KCNAB2: variants seen among roughly 807,000 people sequenced by gnomAD.
KCNAB2 encodes the protein voltage-gated potassium channel subunit beta-2.
Under a neutral mutation model 63.6 loss-of-function variants are expected in KCNAB2, and 29 were observed. The ratio of observed to expected loss-of-function variants is 0.46; its 90% CI spans 0.34 to 0.62. The LOEUF (loss-of-function observed/expected upper bound fraction) is 0.62, where lower values mean the gene tolerates loss of function less well. Ranked by LOEUF, KCNAB2 falls within the 20% of genes least tolerant of loss-of-function variation. KCNAB2 has a pLI of 0.01. For missense variants in KCNAB2, 359 were observed against 563.9 expected (o/e 0.64, Z 3.68); for synonymous variants, 222 against 224.2 (o/e 0.99, Z 0.09).
chr1:6,004,958 G>T lies in KCNAB2; in HGVS notation c.-53+12170G>T, dbSNP rs529485139. The stretch of plus-strand genomic sequence containing the variant: ...GGTGAGGGTGGAGTGGGGGGATGTG[G>T]GAGCTGAGCTGAGGGATGAGGGTGC... On this transcript the variant is annotated intron_variant, in intron 1 of 16. Coordinates refer to the KCNAB2 transcript ENST00000341524. 3.1e-3 allele frequency among the ~76,000 whole-genome samples: 448 copies of T among 146,180 alleles called. 9 individuals are homozygous for T. Among genetic ancestry groups the T allele is most frequent in the Non-Finnish European group, 4.6e-3 (301 of 65,860 alleles).
chr1:6,041,783 T>C (rs752454890), upstream of KCNAB2: 1 of 1,557,338 alleles, frequency 6.4e-7, no homozygotes, highest in South Asian at 1.1e-5. Context: ...GGACTCTCTC[T>C]CTTCTCTCCC....
At chr1:6,040,161 C>T (rs1019964033) in intron 1 of KCNAB2, among the ~76,000 whole-genome samples, 2 of 152,342 alleles carry the variant, frequency 1.3e-5, no homozygotes, top group East Asian at 1.9e-4. Context: ...GCCCCCTGGG[C>T]GGTCTCTTCT....
At chr1:6,042,092 G>C (rs1197317483), upstream of KCNAB2, among the ~76,000 whole-genome samples, 1 of 152,154 alleles carries the variant, frequency 6.6e-6, no homozygotes, top group Non-Finnish European at 1.5e-5. Flanking sequence ...GTGTTGGTCT[G>C]CCAGAAGTTT....
intron 6 of KCNAB2, 90 bp downstream of exon 6, chr1:6,085,338 G>T (rs547260720): frequency 3.5e-6 from 4 of 1,136,600 alleles, no homozygotes; most frequent in Non-Finnish European, 2.7e-6. Context: ...GTGCAGTGTC[G>T]TAAGGCCCGC....
Position 6,069,481 on chromosome 1 carries a change from C to T in KCNAB2, c.219-3274C>T, listed in dbSNP as rs936968107. On this transcript the variant is annotated intron_variant, in intron 2 of 15. Transcript: ENST00000378083. The surrounding 1 kb of genome is among the most constrained non-coding windows in gnomAD (Gnocchi z 5.4). ...CAGAGGTTATGTCTGTGAGTCCTCA[C>T]TCCAGGAGTCCAGACCCCAGGAGAG... 6.6e-6 allele frequency among the ~76,000 whole-genome samples: 1 copy of T among 152,192 alleles called. No homozygotes were observed. Among genetic ancestry groups the T allele is most frequent in the African/African-American group, 2.4e-5 (1 of 41,446 alleles).
At chr1:6,033,708 A>G (rs140866380), upstream of KCNAB2, among the ~76,000 whole-genome samples, 1 of 152,322 alleles carries the variant, frequency 6.6e-6, no homozygotes, top group African/African-American at 2.4e-5. Context: ...GAGGGAGCCT[A>G]CCGACCTTCC....
intron 1 of KCNAB2, among the ~76,000 whole-genome samples, chr1:6,038,142 T>G (rs1419278503): frequency 2.0e-5 from 3 of 151,660 alleles, no homozygotes; most frequent in South Asian, 2.1e-4. Context: ...CTCCCAAAGT[T>G]CTGGGATTAC....
At chr1:6,046,412 G>A (rs1660928016) in intron 1 of KCNAB2, among the ~76,000 whole-genome samples, 1 of 152,336 alleles carries the variant, frequency 6.6e-6, no homozygotes, top group African/African-American at 2.4e-5. Flanking sequence ...TTTCAGCCGG[G>A]CAGCACCTCT....
intron 10 of KCNAB2, among the ~76,000 whole-genome samples, chr1:6,093,552 G>A (rs1461711061): frequency 1.3e-5 from 2 of 152,222 alleles, no homozygotes; most frequent in African/African-American, 2.4e-5. Context: ...TGAAGTCTCC[G>A]CGATTTCATC....
intron 1 of KCNAB2, among the ~76,000 whole-genome samples, chr1:6,017,500 A>G (rs1009071527): frequency 3.9e-5 from 6 of 152,072 alleles, no homozygotes; most frequent in Admixed American, 1.3e-4. Flanking sequence ...CCAGGGCTCA[A>G]GAGATTTACC....
chr1:5,992,714 G>C (rs986726545), upstream of KCNAB2: 1 of 152,322 alleles, frequency 6.6e-6, no homozygotes, highest in Non-Finnish European at 1.5e-5. Flanking sequence ...GGGATTCGGG[G>C]GCGCTAAAGT....
At chr1:6,057,482 G>A (rs898109966) in intron 2 of KCNAB2, among the ~76,000 whole-genome samples, 82 of 152,092 alleles carry the variant, frequency 5.4e-4, no homozygotes, top group African/African-American at 1.5e-3. Flanking sequence ...CAGAGACCAG[G>A]GGGGATGGCA....
chr1:6,022,267 T>G (rs186887375), intron 1 of KCNAB2, among the ~76,000 whole-genome samples: 10 of 152,072 alleles, frequency 6.6e-5, no homozygotes, highest in Non-Finnish European at 1.5e-5. Context: ...GAGTGTATAG[T>G]TCAGTGGTAT....
intron 3 of KCNAB2, 25 bp downstream of exon 3, chr1:6,072,823 C>T (rs1475500395): frequency 6.2e-7 from 1 of 1,611,294 alleles, no homozygotes; most frequent in Admixed American, 1.7e-5. Flanking sequence ...CCCCTCCGTC[C>T]CACCAGGGAA....
intron 2 of KCNAB2, among the ~76,000 whole-genome samples, chr1:6,067,796 G>A (rs1446659941): frequency 1.3e-5 from 2 of 152,206 alleles, no homozygotes; most frequent in African/African-American, 4.8e-5. Flanking sequence ...TTGGGAGACT[G>A]AGGAGGGTGG....
rs199732854 is a variant in KCNAB2, at chr1:6,063,030, ATT to A, written c.219-9710_219-9709del. ...TGTCTCTACGGATTCGCCTATTTGG[ATT>A]TTTTTTTTTTTTTTGAGACGGAATC... On this transcript the variant is annotated intron_variant, in intron 2 of 15. Transcript: ENST00000378083. Among the ~76,000 whole-genome samples the A allele has an allele frequency of 1.7e-3, 235 of 137,768 alleles. 1 individual carries two copies. Among genetic ancestry groups the A allele is most frequent in the African/African-American group, 5.8e-3 (218 of 37,292 alleles). The allele number at this position is 137,768 out of a possible 152,430, so 90.4% of individuals were successfully genotyped here. A position where few individuals can be genotyped will look rare whatever the true frequency, so the allele number is the denominator to read the frequency against.
Position 6,096,578 on chromosome 1 carries a change from G to A in KCNAB2, c.949-58G>A. The A allele has an allele frequency of 2.6e-6, 4 of 1,562,966 alleles. No individual in the cohort carries two copies. The highest frequency in any genetic ancestry group is 3.5e-6 in the Non-Finnish European group (4 of 1,150,974). On this transcript the variant is annotated intron_variant, in intron 13 of 15. Transcript: ENST00000378083. This position sits in a 1 kb window ranked among gnomAD's most constrained non-coding sequence, Gnocchi z 5.9. ...TGAGCCCATCGGCCCCCTGCACGTG[G>A]GGGTCCAGGTGACCTGCTCTCATCT...
intron 1 of KCNAB2, among the ~76,000 whole-genome samples, chr1:5,999,035 A>G (rs1657090874): frequency 6.6e-6 from 1 of 152,210 alleles, no homozygotes; most frequent in South Asian, 2.1e-4. Flanking sequence ...GCTTAACCGC[A>G]ACTGCCAGCA....
intron 11 of KCNAB2, 44 bp downstream of exon 11, chr1:6,094,529 C>A (rs41279458): frequency 9.2e-6 from 14 of 1,517,572 alleles, no homozygotes; most frequent in Admixed American, 5.5e-5. Context: ...CACAGACTCC[C>A]GGCACCGGCT....
Sources: gnomAD v4.1 joint callset for allele counts (sites outside exome capture counted in the v4.1 genomes callset) on GRCh38, gnomAD v4.1.1 for gene constraint, Gnocchi (gnomAD v3.1) non-coding constraint, MANE v1.5 for transcripts, NCBI Gene and HGNC (gene_info 2026-07-23, HGNC 2026-07-21) for gene names.